Variants in VCAN observed in about 807,000 individuals in gnomAD.
VCAN encodes versican, also known as versican core protein.
VCAN carries 44 observed loss-of-function variants against 245.5 expected under a neutral mutation model. The observed-to-expected ratio is 0.18, with a 90% CI of 0.14 to 0.23. VCAN has a LOEUF of 0.23. VCAN is among the 10% of genes least tolerant of loss of function. VCAN has a pLI of 1.00. For synonymous variants in VCAN, 1,413 were observed against 1,437.0 expected (o/e 0.98, Z 0.38); for missense variants, 3,793 against 4,057.9 (o/e 0.93, Z 1.77).
rs1157967389 is a variant in VCAN at position 83,521,136 on chromosome 5, G to A, written c.2830G>A (p.Ala944Thr). The A allele has an allele frequency of 5.0e-6, 8 of 1,613,970 alleles. No homozygotes were observed. Among genetic ancestry groups the A allele is most frequent in the South Asian group, 1.1e-5 (1 of 91,074 alleles). ...SKPVSTVPQF[A>T]HTSEVEGLAF... is the part of the protein sequence containing the mutation. Reference sequence around the variant, plus strand: ...GCCAGTATCTACTGTTCCCCAATTTGCACACACTTCAGAGGTGGAAGGATT... The same window carrying A: ...GCCAGTATCTACTGTTCCCCAATTTACACACACTTCAGAGGTGGAAGGATT... The change falls in exon 7 of 15, where the codon GCA becomes ACA. Residue 944 changes from alanine (A) to threonine (T), a missense_variant. This residue lies in a region of VCAN where 3,182 missense variants were observed against 3,250.3 expected (regional missense o/e 0.98). Transcript: ENST00000265077.
Position 83,541,885 on chromosome 5 carries a change from C to T in VCAN, c.8882C>T (p.Thr2961Ile), listed in dbSNP as rs1580050115. The stretch of plus-strand genomic sequence containing the variant: ...ACACCTGAGGCTGGAACTGTTATTA[C>T]AACTGCCGATGAAATTGAATTAGAA... The part of the protein sequence containing the change: ...IKTPEAGTVI[T>I]TADEIELEGA... The change falls in exon 8 of 15, where the codon ACA (threonine) becomes ATA (isoleucine). Residue 2961 changes from threonine (T) to isoleucine (I), a missense_variant. Physicochemically the swap from Thr to Ile is moderately conservative, Grantham distance 89. Transcript: ENST00000265077. 6.2e-7 allele frequency: 1 copy of T among 1,614,074 alleles called. No homozygotes were observed. Among genetic ancestry groups the T allele is most frequent in the Non-Finnish European group, 8.5e-7 (1 of 1,179,996 alleles).
chr5:83,537,415 C>A lies in VCAN; in HGVS notation c.4412C>A (p.Thr1471Lys), dbSNP rs1746765390. 1 of 1,613,820 alleles carries A rather than the reference C, an allele frequency of 6.2e-7. No homozygotes were observed. Among genetic ancestry groups the A allele is most frequent in the African/African-American group, 1.3e-5 (1 of 74,890 alleles). Residue 1471 changes from threonine to lysine, a missense_variant, in exon 8 of 15, where the codon ACA (threonine) becomes AAA (lysine). By Grantham distance (78) the Thr-to-Lys change is moderately conservative. Transcript: ENST00000265077. ...LSTAVQPNES[T>K]ETTESLEVTW... ...ACTGCTGTGCAACCTAATGAATCTA[C>A]AGAAACAACTGAGTCTCTTGAAGTT...
intron 1 of VCAN, among the ~76,000 whole-genome samples, chr5:83,479,084 C>T (rs1744522938): frequency 6.6e-6 from 1 of 152,090 alleles, no homozygotes; most frequent in Admixed American, 6.5e-5. Context: ...CATGAAATTT[C>T]ACACCTAAAT....
At chr5:83,545,463 G>A in intron 8 of VCAN, 74 bp from the exon 9 acceptor site, 1 of 1,155,046 alleles carries the variant, frequency 8.7e-7, no homozygotes, top group Non-Finnish European at 1.3e-6. Context: ...GCAATATGGG[G>A]CGTTTTATGC....
intron 1 of VCAN, among the ~76,000 whole-genome samples, chr5:83,480,402 A>T (rs11949144): frequency 9.3e-4 from 141 of 152,310 alleles, no homozygotes; most frequent in African/African-American, 3.2e-3. Context: ...TGGTTTTTTT[A>T]AATGAGATTT....
chr5:83,571,098 A>T (rs142203528), intron 12 of VCAN, among the ~76,000 whole-genome samples: 179 of 152,304 alleles, frequency 1.2e-3, no homozygotes, highest in Middle Eastern at 3.4e-3. Context: ...TTGTCATACT[A>T]GACATGATAA....
chr5:83,577,041 T>G, intron 13 of VCAN, among the ~76,000 whole-genome samples: 1 of 152,194 alleles, frequency 6.6e-6, no homozygotes, highest in Non-Finnish European at 1.5e-5. Context: ...TACCTTATGA[T>G]ATTTTCTGAT....
At position 83,541,608 on chromosome 5, in the gene VCAN, C is replaced by A. The variant is rs768191593; in HGVS notation, c.8605C>A (p.His2869Asn). ...MSPQDSFKEI[H>N]VNIEATFKPS... ...CCCACAGGATTCTTTTAAGGAAATT[C>A]ATGTAAATATTGAAGCGACTTTCAA... is the stretch of plus-strand genomic sequence containing the variant. The change falls in exon 8 of 15, where the codon CAT becomes AAT. Residue 2869 changes from histidine to asparagine, a missense_variant. By Grantham distance (68) the His-to-Asn change is moderately conservative. Around this residue, in one of 5 missense-constraint regions of VCAN, gnomAD observed 3,182 missense variants for 3,250.3 expected, o/e 0.98. Coordinates refer to ENST00000265077, the MANE Select transcript of VCAN (RefSeq NM_004385.5). 4 of 1,613,842 alleles carry A rather than the reference C, an allele frequency of 2.5e-6. No homozygotes were observed. The highest frequency in any genetic ancestry group is 3.4e-6 in the Non-Finnish European group (4 of 1,179,998).
At chr5:83,536,965 A>G in intron 7 of VCAN, 42 bp from the exon 8 acceptor site, 3 of 1,531,622 alleles carry the variant, frequency 2.0e-6, no homozygotes, top group Non-Finnish European at 2.6e-6. Context: ...ATACACTGCC[A>G]AATTTTCTAT....
intron 2 of VCAN, among the ~76,000 whole-genome samples, chr5:83,484,312 C>T (rs1744718567): frequency 6.6e-6 from 1 of 152,086 alleles, no homozygotes; most frequent in African/African-American, 2.4e-5. Context: ...TTCATTACCC[C>T]TCCATCCATC....
In VCAN at chr5:83,541,127, A is replaced by T. The variant is rs766882763; in HGVS notation, c.8124A>T (p.Gly2708=). 14 of 1,614,036 alleles carry T rather than the reference A, an allele frequency of 8.7e-6. No individual in the cohort carries two copies. The highest frequency in any genetic ancestry group is 4.5e-5 in the East Asian group (2 of 44,880). The part of the protein sequence containing the change: ...KSATVIPEIE[G]IKAEAKALDD... The stretch of plus-strand genomic sequence containing the variant: ...CCACAGTTATTCCAGAGATTGAAGG[A>T]ATAAAAGCTGAAGCAAAAGCCCTGG... The change falls in exon 8 of 15, where the codon GGA becomes GGT. Residue 2708 remains glycine (G), a synonymous_variant. Transcript: ENST00000265077.
At chr5:83,494,986 T>C (rs1745112044) in intron 5 of VCAN, among the ~76,000 whole-genome samples, 1 of 152,132 alleles carries the variant, frequency 6.6e-6, no homozygotes, top group South Asian at 2.1e-4. Context: ...TCTCAACAAA[T>C]ACATAAATAT....
chr5:83,580,156 A>C lies in VCAN; in HGVS notation c.10057A>C (p.Met3353Leu), dbSNP rs1421681304. Reference sequence around the variant, plus strand: ...ATGGGCTATACCTAAAATTACCTGCATGAACCGTAAGTGGTCCTTTAGAAA... The same window carrying C: ...ATGGGCTATACCTAAAATTACCTGCCTGAACCGTAAGTGGTCCTTTAGAAA... ...GRWAIPKITC[M>L]NPSAYQRTYS... Residue 3353 changes from methionine to leucine, a missense_variant, in exon 14 of 15, where the codon ATG (methionine) becomes CTG (leucine). Physicochemically the swap from Met to Leu is conservative, Grantham distance 15. Transcript: ENST00000265077. The C allele has an allele frequency of 1.9e-6, 3 of 1,613,996 alleles. No homozygotes were observed. Among genetic ancestry groups the C allele is most frequent in the Non-Finnish European group, 2.5e-6 (3 of 1,180,000 alleles).
At chr5:83,474,492 A>AG (rs1744311275) in intron 1 of VCAN, among the ~76,000 whole-genome samples, 1 of 152,134 alleles carries the variant, frequency 6.6e-6, no homozygotes, top group Non-Finnish European at 1.5e-5. Context: ...CCCCGCCCAA[A>AG]GGGGCTGGGT....
At chr5:83,482,982 T>A (rs1245841953) in intron 1 of VCAN, among the ~76,000 whole-genome samples, 1 of 152,232 alleles carries the variant, frequency 6.6e-6, no homozygotes, top group Non-Finnish European at 1.5e-5. Context: ...AAGTCCTTAT[T>A]CTCTGTTTTG....
chr5:83,539,451 C>A lies in VCAN; in HGVS notation c.6448C>A (p.Leu2150Ile), dbSNP rs768264247. The A allele has an allele frequency of 6.2e-7, 1 of 1,613,348 alleles. No individual in the cohort carries two copies. The highest frequency in any genetic ancestry group is 8.5e-7 in the Non-Finnish European group (1 of 1,179,724). The change falls in exon 8 of 15, where the codon CTC (leucine) becomes ATC (isoleucine). Residue 2150 changes from leucine to isoleucine, a missense_variant. Around this residue, in one of 5 missense-constraint regions of VCAN, gnomAD observed 3,182 missense variants for 3,250.3 expected, o/e 0.98. Coordinates refer to ENST00000265077, the MANE Select transcript of VCAN (RefSeq NM_004385.5). ...FDSQTFTETELKTTDYSVLTT... is the reference protein window; with the variant it reads ...FDSQTFTETEIKTTDYSVLTT... ...TTCACAGACATTTACTGAAACTGAA[C>A]TCAAAACCACAGATTATTCTGTACT... is the stretch of plus-strand genomic sequence containing the variant.
intron 7 of VCAN, among the ~76,000 whole-genome samples, chr5:83,533,198 A>G (rs150295827): frequency 3.9e-4 from 59 of 152,312 alleles, no homozygotes; most frequent in African/African-American, 1.4e-3. Flanking sequence ...GATGAGAAAC[A>G]TAAGATGAAA....
rs1384158057 is a variant in VCAN, at chr5:83,539,542, T to C, written c.6539T>C (p.Met2180Thr). Residue 2180 changes from methionine (M) to threonine (T), a missense_variant, in exon 8 of 15, where the codon ATG becomes ACG. By Grantham distance (81) the Met-to-Thr change is moderately conservative. This residue lies in a region of VCAN where 3,182 missense variants were observed against 3,250.3 expected (regional missense o/e 0.98). Transcript: ENST00000265077. Reference protein sequence around the residue: ...MKEEDTSLVNMSTPDPDANGL... With the variant: ...MKEEDTSLVNTSTPDPDANGL... Reference sequence around the variant, plus strand: ...GAGGAAGACACTTCTTTAGTTAACATGTCTACTCCAGATCCAGATGCAAAT... The same window carrying C: ...GAGGAAGACACTTCTTTAGTTAACACGTCTACTCCAGATCCAGATGCAAAT... 1.2e-6 allele frequency: 2 copies of C among 1,613,934 alleles called. No homozygotes were observed. Among genetic ancestry groups the C allele is most frequent in the African/African-American group, 1.3e-5 (1 of 74,944 alleles).
At chr5:83,576,449 C>A (rs770540279) in intron 13 of VCAN, among the ~76,000 whole-genome samples, 1 of 152,032 alleles carries the variant, frequency 6.6e-6, no homozygotes, top group Non-Finnish European at 1.5e-5. Context: ...AACTATACAA[C>A]ATTTTACTTA....
Sources: allele counts gnomAD v4.1 joint callset (sites outside exome capture counted in the v4.1 genomes callset), GRCh38; gene constraint gnomAD v4.1.1; regional missense constraint gnomAD v4.1.1; transcripts MANE v1.5; gene names NCBI Gene and HGNC (gene_info 2026-07-23, HGNC 2026-07-21).